Variants in ATF7 observed in about 807,000 individuals in gnomAD.
ATF7 encodes cyclic AMP-dependent transcription factor ATF-7.
ATF7 carries 10 observed loss-of-function variants against 50.4 expected under a neutral mutation model. The ratio of observed to expected loss-of-function variants is 0.20; its 90% CI spans 0.12 to 0.34. The LOEUF (loss-of-function observed/expected upper bound fraction) is 0.34, where lower values mean the gene tolerates loss of function less well. ATF7 is among the 10% of genes least tolerant of loss of function. ATF7 has a pLI of 1.00. For synonymous variants in ATF7, 201 were observed against 226.4 expected (o/e 0.89, Z 1.01); for missense variants, 465 against 613.9 (o/e 0.76, Z 2.56).
intron 2 of ATF7, among the ~76,000 whole-genome samples, chr12:53,584,825 C>T (rs1942599204): frequency 6.6e-6 from 1 of 152,188 alleles, no homozygotes; most frequent in Admixed American, 6.5e-5. Flanking sequence ...AAACAACATT[C>T]TGTAGACGGC....
chr12:53,526,071 A>G (rs889539597), intron 9 of ATF7, among the ~76,000 whole-genome samples: 1 of 152,058 alleles, frequency 6.6e-6, no homozygotes, highest in Non-Finnish European at 1.5e-5. Flanking sequence ...TTAGCCAGGC[A>G]TGGTGGCGCA....
rs1051753698 is a variant in ATF7, at chr12:53,516,688, T to A, written c.*449A>T. 2.8e-5 allele frequency: 5 copies of A among 181,374 alleles called. No individual in the cohort carries two copies. Among genetic ancestry groups the A allele is most frequent in the Admixed American group, 2.7e-4 (5 of 18,642 alleles). 11.2% of individuals were successfully genotyped at this position (181,374 alleles called of 1,614,324 possible). A position where few individuals can be genotyped will look rare whatever the true frequency, so the allele number is the denominator to read the frequency against. ...TGGGGCTGGGTCAGCGGGTAATATG[T>A]CATCAAATCTAGCCTCCCTCTATCT... On this transcript the variant is annotated 3_prime_UTR_variant, in exon 12 of 12. Coordinates refer to ENST00000420353, the MANE Select transcript of ATF7 (RefSeq NM_006856.3).
intron 2 of ATF7, among the ~76,000 whole-genome samples, chr12:53,552,945 C>G (rs1478241213): frequency 6.6e-6 from 1 of 151,924 alleles, no homozygotes; most frequent in Non-Finnish European, 1.5e-5. Flanking sequence ...AACATTAAGG[C>G]AAACTCGTAT....
chr12:53,611,660 G>A (rs574693676), intron 1 of ATF7, among the ~76,000 whole-genome samples: 2 of 152,124 alleles, frequency 1.3e-5, no homozygotes, highest in Non-Finnish European at 2.9e-5. Context: ...ACGGGATCTT[G>A]GCTCACTGCA....
At chr12:53,615,088 A>G (rs1944061670) in intron 1 of ATF7, among the ~76,000 whole-genome samples, 1 of 150,876 alleles carries the variant, frequency 6.6e-6, no homozygotes, top group Admixed American at 6.6e-5. Context: ...TCAAAAGAAA[A>G]GAAAAAAAAA....
chr12:53,509,200 G>A (rs538604537), downstream of ATF7, among the ~76,000 whole-genome samples: 8 of 152,166 alleles, frequency 5.3e-5, no homozygotes, highest in East Asian at 9.7e-4. Flanking sequence ...TACAAGGAAC[G>A]CCTTCCTAGG....
chr12:53,533,311 A>ATCT, intron 6 of ATF7, 52 bp from the exon 7 acceptor site: 2 of 1,418,684 alleles, frequency 1.4e-6, no homozygotes, highest in Non-Finnish European at 2.0e-6. Flanking sequence ...TTGTCCATGG[A>ATCT]TCTTCCTCTT....
chr12:53,608,863 TG>T (rs1943724924), intron 1 of ATF7, among the ~76,000 whole-genome samples: 1 of 152,340 alleles, frequency 6.6e-6, no homozygotes, highest in Non-Finnish European at 1.5e-5. Context: ...TACTCAGTGC[TG>T]CTCTGATTTC....
intron 4 of ATF7, chr12:53,543,094 G>A: frequency 7.2e-7 from 1 of 1,392,322 alleles, no homozygotes; most frequent in African/African-American, 1.5e-5. Context: ...TACTCCCCTG[G>A]AAGAACAAGA....
At chr12:53,557,065 G>C (rs1459607195) in intron 2 of ATF7, among the ~76,000 whole-genome samples, 3 of 151,964 alleles carry the variant, frequency 2.0e-5, no homozygotes, top group Non-Finnish European at 4.4e-5. Context: ...GCTAAAAATA[G>C]CTAAAGTGTT....
intron 2 of ATF7, among the ~76,000 whole-genome samples, chr12:53,593,231 C>T (rs140451619): frequency 1.3e-3 from 205 of 152,154 alleles, no homozygotes; most frequent in African/African-American, 4.2e-3. Context: ...ACAGCAAGAC[C>T]CTGTCTCTAA....
In ATF7 at chr12:53,575,999, T is replaced by C. The variant is rs577119813; in HGVS notation, c.49-23362A>G. On this transcript the variant is annotated intron_variant, in intron 2 of 11. Coordinates refer to ENST00000420353, the MANE Select transcript of ATF7 (RefSeq NM_006856.3). ...GTATAAATCATCCTATGATAAACAC[T>C]GGAAGGCACACTCAGGGGAGAAGGC... is the stretch of plus-strand genomic sequence containing the variant. 10 of 154,824 alleles carry C rather than the reference T, an allele frequency of 6.5e-5. No individual in the cohort carries two copies. In the East Asian group the frequency reaches 1.9e-3, roughly 29 times the overall value. 9.6% of individuals were successfully genotyped at this position (154,824 alleles called of 1,614,324 possible).
rs184863415 is a variant in ATF7 at position 53,550,969 on chromosome 12, C to T, written c.145+1572G>A. Among the ~76,000 whole-genome samples the T allele has an allele frequency of 3.3e-5, 5 of 152,310 alleles. No homozygotes were observed. The East Asian group carries it at 9.6e-4, about 29-fold the overall frequency. On this transcript the variant is annotated intron_variant, in intron 3 of 11. Transcript: ENST00000420353. ...CCTCTCCAACTTTATAACCTTGCCC[C>T]AAATTTACCTCTCAGATAAACTTCC...
intron 2 of ATF7, among the ~76,000 whole-genome samples, chr12:53,568,231 C>T (rs1317884988): frequency 2.0e-5 from 3 of 152,152 alleles, no homozygotes; most frequent in Admixed American, 6.5e-5. Flanking sequence ...AAAACCCTGC[C>T]CTGATCTTTA....
At chr12:53,563,601 A>G (rs1941278233) in intron 2 of ATF7, among the ~76,000 whole-genome samples, 1 of 152,250 alleles carries the variant, frequency 6.6e-6, no homozygotes, top group African/African-American at 2.4e-5. Context: ...TGGGCAACAG[A>G]ACAAGGATGT....
At chr12:53,509,928 CAT>C (rs1465533580), downstream of ATF7, among the ~76,000 whole-genome samples, 1 of 152,134 alleles carries the variant, frequency 6.6e-6, no homozygotes, top group East Asian at 1.9e-4. Context: ...CTCCAGATAC[CAT>C]ATTTCTGTTA....
rs768708477 is a variant in ATF7, at chr12:53,537,401, G to A, written c.402+14C>T. 3.7e-6 allele frequency: 6 copies of A among 1,612,986 alleles called. No individual in the cohort carries two copies. Among genetic ancestry groups the A allele is most frequent in the Non-Finnish European group, 5.1e-6 (6 of 1,179,398 alleles). On this transcript the variant is annotated intron_variant, in intron 5 of 11. Coordinates refer to ENST00000420353, the MANE Select transcript of ATF7 (RefSeq NM_006856.3). ...TCAATTAACATTTGAGATGATCCTT[G>A]GTAGAGAATTTACCTTCTCCTTCAG...
chr12:53,602,793 GGTTT>G (rs1014527203), intron 1 of ATF7, among the ~76,000 whole-genome samples: 3 of 152,036 alleles, frequency 2.0e-5, no homozygotes, highest in African/African-American at 7.3e-5. Context: ...CTGGTTGGTT[GGTTT>G]GTTTTAAATA....
At chr12:53,561,884 A>G (rs573310417) in intron 2 of ATF7, among the ~76,000 whole-genome samples, 7 of 152,378 alleles carry the variant, frequency 4.6e-5, no homozygotes, top group African/African-American at 1.2e-4. Context: ...TGTGAGCGAC[A>G]TAATTTATAG....
Sources: gnomAD v4.1 joint callset for allele counts (sites outside exome capture counted in the v4.1 genomes callset) on GRCh38, gnomAD v4.1.1 for gene constraint, MANE v1.5 for transcripts, NCBI Gene and HGNC (gene_info 2026-07-23, HGNC 2026-07-21) for gene names.